ROS1: variants seen among roughly 807,000 people sequenced by gnomAD.
ROS1 encodes the protein ROS proto-oncogene 1, receptor tyrosine kinase.
ROS1 carries 263 observed loss-of-function variants against 273.5 expected under a neutral mutation model. The observed-to-expected ratio is 0.96, with a 90% CI of 0.87 to 1.06. The LOEUF (loss-of-function observed/expected upper bound fraction) is 1.06. Ranked by LOEUF, ROS1 falls within the 50% of genes least tolerant of loss-of-function variation. The pLI is 0.00. For synonymous variants in ROS1, 1,008 were observed against 954.1 expected (o/e 1.06, Z -1.04); for missense variants, 2,833 against 2,751.1 (o/e 1.03, Z -0.67).
At chr6:117,369,943 A>G (rs968224537) in intron 18 of ROS1, among the ~76,000 whole-genome samples, 1 of 152,184 alleles carries the variant, frequency 6.6e-6, no homozygotes, top group Admixed American at 6.5e-5. Context: ...ATATATATGT[A>G]TATGTACATG....
rs1310170004 is a variant in ROS1, at chr6:117,409,583, C to T, written c.315G>A (p.Leu105=). Residue 105 remains leucine (L), a splice_region_variant and synonymous_variant, in exon 5 of 44, where the codon CTG becomes CTA. Transcript: ENST00000368507. The stretch of plus-strand genomic sequence containing the variant: ...TAAAAGTCGTGTGTGTCCTCTTACC[C>T]AGTACTTCCTCTTCATATGCACCTT... ...SAEGAYEEEV[L]ENADLPTAPF... 1.2e-6 allele frequency: 2 copies of T among 1,612,684 alleles called. No individual in the cohort carries two copies. The highest frequency in any genetic ancestry group is 3.3e-5 in the Admixed American group (2 of 59,974).
chr6:117,418,980 G>A (rs1168015921), intron 1 of ROS1, among the ~76,000 whole-genome samples: 1 of 152,148 alleles, frequency 6.6e-6, no homozygotes, highest in East Asian at 1.9e-4. Flanking sequence ...AAAGAAATAG[G>A]AACTAAGGAC....
At position 117,317,264 on chromosome 6, in the gene ROS1, T is replaced by A. The variant is rs897773765; in HGVS notation, c.5996A>T (p.Asn1999Ile). The change falls in exon 39 of 44, where the codon AAT (asparagine) becomes ATT (isoleucine). Residue 1999 changes from asparagine (N) to isoleucine (I), a missense_variant. Asn to Ile is a moderately radical substitution (Grantham distance 149). Coordinates refer to ENST00000368507, the MANE Select transcript of ROS1 (RefSeq NM_001378902.1). ...LKEAHLMSKF[N>I]HPNILKQLGV... ...AAGCTGCTTCAGAATGTTGGGATGA[T>A]TAAATTTGCTGAAAGGTGGAAAGAC... 6.2e-7 allele frequency: 1 copy of A among 1,610,822 alleles called. No homozygotes were observed. The highest frequency in any genetic ancestry group is 1.3e-5 in the African/African-American group (1 of 74,706).
intron 34 of ROS1, among the ~76,000 whole-genome samples, chr6:117,324,931 C>T (rs1776530836): frequency 6.6e-6 from 1 of 151,756 alleles, no homozygotes. Context: ...TTTTGTACCC[C>T]CTATTAGCTA....
At chr6:117,416,025 T>TGTTATTG (rs1464031603) in intron 3 of ROS1, among the ~76,000 whole-genome samples, 3 of 152,250 alleles carry the variant, frequency 2.0e-5, no homozygotes, top group African/African-American at 7.2e-5. Context: ...CCCTGGGTTC[T>TGTTATTG]GTTATTGGCA....
At chr6:117,421,466 T>C (rs1775751584) in intron 1 of ROS1, among the ~76,000 whole-genome samples, 2 of 152,086 alleles carry the variant, frequency 1.3e-5, no homozygotes, top group South Asian at 2.1e-4. Context: ...CATGCTTTTG[T>C]GTACCCATAG....
At chr6:117,319,739 G>T (rs1336810528) in intron 37 of ROS1, 129 bp downstream of exon 37, 5 of 740,014 alleles carry the variant, frequency 6.8e-6, no homozygotes, top group African/African-American at 1.8e-5. Context: ...TGTAGCTATG[G>T]ATAGGCTTCG....
intron 35 of ROS1, among the ~76,000 whole-genome samples, chr6:117,322,978 A>G (rs1404530325): frequency 6.6e-6 from 1 of 152,194 alleles, no homozygotes; most frequent in Non-Finnish European, 1.5e-5. Flanking sequence ...ACAAGAAAGC[A>G]AGCAAAGGTC....
In ROS1 at chr6:117,362,585, C is replaced by T. The variant is rs2128654636; in HGVS notation, c.3366+18G>A. On this transcript the variant is annotated intron_variant, in intron 22 of 43. Transcript: ENST00000368507. Reference sequence around the variant, plus strand: ...GCCGCTATTAAGACTCTCATATCTTCTGTTTTCTCTCTCATACCTGGAAGG... The same window carrying T: ...GCCGCTATTAAGACTCTCATATCTTTTGTTTTCTCTCTCATACCTGGAAGG... The T allele has an allele frequency of 6.2e-7, 1 of 1,606,536 alleles. No homozygotes were observed. Among genetic ancestry groups the T allele is most frequent in the Non-Finnish European group, 8.5e-7 (1 of 1,176,470 alleles).
At chr6:117,333,414 T>C (rs373173250) in intron 32 of ROS1, among the ~76,000 whole-genome samples, 14 of 152,052 alleles carry the variant, frequency 9.2e-5, no homozygotes, top group African/African-American at 3.1e-4. Flanking sequence ...CTACCAGAAA[T>C]ACAAAGAGGA....
intron 16 of ROS1, 64 bp downstream of exon 16, chr6:117,385,619 G>T: frequency 2.9e-6 from 4 of 1,371,050 alleles, no homozygotes; most frequent in Non-Finnish European, 4.0e-6. Flanking sequence ...AGAAATTGGT[G>T]TGCAAGTCAC....
At chr6:117,380,614 A>T (rs1772047313) in intron 17 of ROS1, among the ~76,000 whole-genome samples, 1 of 151,918 alleles carries the variant, frequency 6.6e-6, no homozygotes, top group Admixed American at 6.6e-5. Context: ...TAAAAAGGAG[A>T]TTCTACAATT....
intron 27 of ROS1, among the ~76,000 whole-genome samples, chr6:117,345,633 G>A (rs1479993307): frequency 6.6e-6 from 1 of 152,092 alleles, no homozygotes; most frequent in Non-Finnish European, 1.5e-5. Flanking sequence ...AGAAAATTAG[G>A]GGGTAAATGT....
intron 1 of ROS1, among the ~76,000 whole-genome samples, chr6:117,421,377 C>T (rs532788485): frequency 5.9e-5 from 9 of 151,708 alleles, no homozygotes; most frequent in African/African-American, 1.7e-4. Flanking sequence ...ATACATTGTA[C>T]CCAACATGTA....
rs777710055 is a variant in ROS1 at position 117,362,727 on chromosome 6, T to C, written c.3242A>G (p.Tyr1081Cys). ...NGVLTKFEIF[Y>C]NISNQSITNK... ...TGTAATACTTTGATTGGATATATTGTAGAAAATTTCAAATTTTGTTAACAC... is the reference window on the plus strand; with the variant it reads ...TGTAATACTTTGATTGGATATATTGCAGAAAATTTCAAATTTTGTTAACAC... The change falls in exon 22 of 44, where the codon TAC (tyrosine) becomes TGC (cysteine). Residue 1081 changes from tyrosine (Y) to cysteine (C), a missense_variant. Tyr to Cys is a radical substitution (Grantham distance 194, BLOSUM62 -2). Coordinates refer to ENST00000368507, the MANE Select transcript of ROS1 (RefSeq NM_001378902.1). The C allele has an allele frequency of 6.8e-6, 11 of 1,613,682 alleles. No homozygotes were observed. The highest frequency in any genetic ancestry group is 9.3e-6 in the Non-Finnish European group (11 of 1,179,764).
At chr6:117,321,054 T>C (rs1776255986) in intron 36 of ROS1, among the ~76,000 whole-genome samples, 1 of 152,164 alleles carries the variant, frequency 6.6e-6, no homozygotes, top group South Asian at 2.1e-4. Flanking sequence ...AACTAATGGA[T>C]TTTTCTGTAT....
At chr6:117,414,750 G>T (rs1775208020) in intron 3 of ROS1, among the ~76,000 whole-genome samples, 3 of 152,200 alleles carry the variant, frequency 2.0e-5, no homozygotes, top group Admixed American at 6.6e-5. Flanking sequence ...TAAGCTGTTT[G>T]CATCACTGGA....
rs1562272237 is a variant in ROS1, at chr6:117,324,375, A to G, written c.5580T>C (p.Ile1860=). The change falls in exon 35 of 44, where the codon ATT becomes ATC. Residue 1860 remains isoleucine (I), a synonymous_variant. Transcript: ENST00000368507. The part of the protein sequence containing the change: ...WIPETSFILT[I]IVGIFLVVTI... ...TAACAACCAGAAATATTCCAACTATAATAGTAAGTATGAAACTTGTTTCTG... is the reference window on the plus strand; with the variant it reads ...TAACAACCAGAAATATTCCAACTATGATAGTAAGTATGAAACTTGTTTCTG... 3.9e-6 allele frequency: 6 copies of G among 1,524,198 alleles called. No homozygotes were observed. The highest frequency in any genetic ancestry group is 1.8e-5 in the Admixed American group (1 of 56,130). 94.4% of individuals were successfully genotyped at this position (1,524,198 alleles called of 1,614,324 possible).
chr6:117,394,044 C>T (rs752594441), intron 11 of ROS1, 118 bp downstream of exon 11: 14 of 583,814 alleles, frequency 2.4e-5, no homozygotes, highest in Non-Finnish European at 3.9e-5. Flanking sequence ...GTATCTAAGG[C>T]ATAGTAAATA....
Sources: allele counts gnomAD v4.1 joint callset (sites outside exome capture counted in the v4.1 genomes callset), GRCh38; gene constraint gnomAD v4.1.1; transcripts MANE v1.5; gene names NCBI Gene and HGNC (gene_info 2026-07-23, HGNC 2026-07-21).